AGBL1: variants seen among roughly 807,000 people sequenced by gnomAD.
AGBL1 encodes cytosolic carboxypeptidase 4.
AGBL1 carries 130 observed loss-of-function variants against 118.9 expected under a neutral mutation model. The ratio of observed to expected loss-of-function variants is 1.09; its 90% CI spans 0.95 to 1.26. AGBL1 has a LOEUF of 1.26. Ranked by LOEUF, AGBL1 falls within the 50% of genes most tolerant of loss-of-function variation. The probability of loss-of-function intolerance (pLI) is 0.00; values close to 1 mark genes in which losing one functional copy is unlikely to be tolerated. For missense variants in AGBL1, 1,584 were observed against 1,298.1 expected (o/e 1.22, Z -3.38); for synonymous variants, 555 against 478.9 (o/e 1.16, Z -2.08).
At chr15:86,936,236 ATGTATGTG>A (rs905866511) in intron 23 of AGBL1, among the ~76,000 whole-genome samples, 98 of 105,860 alleles carry the variant, frequency 9.3e-4, no homozygotes, top group African/African-American at 2.7e-3. Context: ...AGCAGTGTGT[ATGTATGTG>A]TGTGTGTGTG....
chr15:86,182,392 C>G (rs1470801778), intron 5 of AGBL1, among the ~76,000 whole-genome samples: 1 of 151,936 alleles, frequency 6.6e-6, no homozygotes, highest in Non-Finnish European at 1.5e-5. Context: ...TCTGCTACAT[C>G]CTATCTGCTG....
At chr15:86,244,396 T>C (rs1441308253) in intron 6 of AGBL1, among the ~76,000 whole-genome samples, 3 of 152,208 alleles carry the variant, frequency 2.0e-5, no homozygotes, top group South Asian at 2.1e-4. Context: ...CTCATTTCAT[T>C]CTTTGCTCTT....
chr15:86,380,521 C>T (rs2081099908), intron 17 of AGBL1, among the ~76,000 whole-genome samples: 1 of 144,254 alleles, frequency 6.9e-6, no homozygotes, highest in African/African-American at 2.6e-5. Context: ...CCTTTCTTTT[C>T]TCCTCCGTCC....
At chr15:86,365,202 G>A (rs1462665000) in intron 17 of AGBL1, among the ~76,000 whole-genome samples, 2 of 151,928 alleles carry the variant, frequency 1.3e-5, no homozygotes, top group Admixed American at 1.3e-4. Context: ...CAGACAGAAG[G>A]AAAATGTTTT....
intron 17 of AGBL1, among the ~76,000 whole-genome samples, chr15:86,364,956 C>CATATATATATAT (rs776121691): frequency 3.3e-5 from 3 of 89,580 alleles, no homozygotes; most frequent in African/African-American, 2.0e-4. Flanking sequence ...TTATATGTCA[C>CATATATATATAT]ACATATATAT....
At chr15:86,595,258 G>A (rs749094856) in intron 21 of AGBL1, among the ~76,000 whole-genome samples, 22 of 152,070 alleles carry the variant, frequency 1.4e-4, no homozygotes, top group Non-Finnish European at 3.1e-4. Flanking sequence ...CTCCAGCTTG[G>A]ATCTTTTTTT....
chr15:86,309,909 G>T (rs2079894635), intron 17 of AGBL1, among the ~76,000 whole-genome samples: 1 of 152,110 alleles, frequency 6.6e-6, no homozygotes, highest in South Asian at 2.1e-4. Context: ...TAATATCCCT[G>T]TCTAGCTTCA....
In AGBL1 at chr15:86,143,829, C is replaced by T; in HGVS notation, c.246C>T (p.Ala82=). 1 of 1,613,732 alleles carries T rather than the reference C, an allele frequency of 6.2e-7. No individual in the cohort carries two copies. Among genetic ancestry groups the T allele is most frequent in the East Asian group, 2.2e-5 (1 of 44,818 alleles). The part of the protein sequence containing the change: ...DILLPLFRLL[A]KVGLRDKKIG... ...TCCTGCCTCTCTTCCGGCTGCTGGCCAAAGTTGGCCTAAGAGGTACTCGTA... is the reference window on the plus strand; with the variant it reads ...TCCTGCCTCTCTTCCGGCTGCTGGCTAAAGTTGGCCTAAGAGGTACTCGTA... Residue 82 remains alanine (A), a synonymous_variant, in exon 3 of 23, where the codon GCC becomes GCT. Coordinates refer to ENST00000614907, the MANE Select transcript of AGBL1 (RefSeq NM_001386094.1).
intron 22 of AGBL1, among the ~76,000 whole-genome samples, chr15:86,826,070 C>G (rs1269609559): frequency 6.6e-6 from 1 of 152,052 alleles, no homozygotes; most frequent in South Asian, 2.1e-4. Context: ...ATATTTCACA[C>G]TGATGTAATC....
At chr15:86,877,524 C>T (rs1474570671) in intron 22 of AGBL1, among the ~76,000 whole-genome samples, 1 of 152,166 alleles carries the variant, frequency 6.6e-6, no homozygotes, top group African/African-American at 2.4e-5. Context: ...ATCTCTCCTT[C>T]CTGTTACCGC....
At position 86,304,516 on chromosome 15, in the gene AGBL1, AT is replaced by A. The variant is rs1284724632; in HGVS notation, c.2374+9115del. 4.6e-5 allele frequency among the ~76,000 whole-genome samples: 7 copies of A among 152,158 alleles called. No individual in the cohort carries two copies. The East Asian group carries it at 1.2e-3, about 25-fold the overall frequency. On this transcript the variant is annotated intron_variant, in intron 17 of 22. Coordinates refer to ENST00000614907, the MANE Select transcript of AGBL1 (RefSeq NM_001386094.1). ...CATGAAAGCACAGACTATATGTTGT[AT>A]TTTTTTCTATTGTATGTCTTTGAAC...
chr15:86,389,874 G>A (rs1596054723), intron 17 of AGBL1, among the ~76,000 whole-genome samples: 1 of 151,920 alleles, frequency 6.6e-6, no homozygotes, highest in East Asian at 1.9e-4. Context: ...TTGTACATTA[G>A]GACAAATGGA....
chr15:86,127,560 C>T (rs956956394), intron 1 of AGBL1, among the ~76,000 whole-genome samples: 8 of 151,954 alleles, frequency 5.3e-5, no homozygotes, highest in East Asian at 1.9e-4. Flanking sequence ...GCCGAGGGCA[C>T]GTGGGAAATC....
intron 22 of AGBL1, among the ~76,000 whole-genome samples, chr15:86,885,162 C>A (rs148821468): frequency 1.3e-5 from 2 of 151,946 alleles, no homozygotes; most frequent in African/African-American, 4.8e-5. Context: ...TCTTATAATA[C>A]AATATCATGG....
chr15:86,351,796 C>T (rs1395008908), intron 17 of AGBL1, among the ~76,000 whole-genome samples: 2 of 152,278 alleles, frequency 1.3e-5, no homozygotes, highest in African/African-American at 2.4e-5. Context: ...CACCTTCTGC[C>T]TTCTCTACAA....
At chr15:86,592,571 T>C (rs946473536) in intron 21 of AGBL1, among the ~76,000 whole-genome samples, 1 of 152,200 alleles carries the variant, frequency 6.6e-6, no homozygotes, top group Non-Finnish European at 1.5e-5. Context: ...GGAGGGGCCG[T>C]GTGTGCAGTG....
At chr15:87,024,342 T>C (rs1303192120) in intron 24 of AGBL1, among the ~76,000 whole-genome samples, 1 of 152,080 alleles carries the variant, frequency 6.6e-6, no homozygotes, top group Non-Finnish European at 1.5e-5. Flanking sequence ...TTAAGGCTAC[T>C]ATGAACATCT....
chr15:86,128,205 C>A (rs866208738), intron 1 of AGBL1, among the ~76,000 whole-genome samples: 2 of 151,962 alleles, frequency 1.3e-5, no homozygotes, highest in South Asian at 4.1e-4. Context: ...GCTGGGGAGT[C>A]TTCACACTCA....
chr15:86,903,630 C>T (rs934868039), intron 22 of AGBL1, among the ~76,000 whole-genome samples: 3 of 152,130 alleles, frequency 2.0e-5, no homozygotes, highest in African/African-American at 7.2e-5. Flanking sequence ...TCTGTTTGAG[C>T]TGATTTCTCT....
Sources: allele counts gnomAD v4.1 joint callset (sites outside exome capture counted in the v4.1 genomes callset), GRCh38; gene constraint gnomAD v4.1.1; transcripts MANE v1.5; gene names NCBI Gene and HGNC (gene_info 2026-07-23, HGNC 2026-07-21).